Variants in UBE2N observed in about 807,000 individuals in gnomAD.
UBE2N encodes ubiquitin-conjugating enzyme E2 N.
For missense variants in UBE2N, 60 were observed against 192.1 expected (o/e 0.31, Z 4.07); for synonymous variants, 70 against 69.2 (o/e 1.01, Z -0.06).
At chr12:93,429,626 G>A (rs2121087870) in intron 1 of UBE2N, among the ~76,000 whole-genome samples, 1 of 151,654 alleles carries the variant, frequency 6.6e-6, no homozygotes, top group East Asian at 1.9e-4. Flanking sequence ...AGGTATTCCA[G>A]AAGGCACTGT....
At chr12:93,441,816 G>C (rs921539638) in intron 1 of UBE2N, 39 bp downstream of exon 1, 2 of 1,579,104 alleles carry the variant, frequency 1.3e-6, no homozygotes, top group African/African-American at 1.4e-5. Flanking sequence ...GAGCCGACGA[G>C]AGCAGAGCGA....
chr12:93,440,581 C>A lies in UBE2N; in HGVS notation c.30+1274G>T, dbSNP rs547832091. ...TCATCCTCGAAGCCTAACAGGTCTT[C>A]CACTTAGTATGCATCTCCCCACAGA... On this transcript the variant is annotated intron_variant, in intron 1 of 3. Coordinates refer to ENST00000318066, the MANE Select transcript of UBE2N (RefSeq NM_003348.4). Among the ~76,000 whole-genome samples, 6 of 152,298 alleles carry A rather than the reference C, an allele frequency of 3.9e-5. No homozygotes were observed. The South Asian group carries it at 1.2e-3, about 32-fold the overall frequency.
At chr12:93,413,943 C>T (rs934143873) in intron 1 of UBE2N, among the ~76,000 whole-genome samples, 1 of 146,352 alleles carries the variant, frequency 6.8e-6, no homozygotes, top group Non-Finnish European at 1.5e-5. Flanking sequence ...GGGTGGATCA[C>T]CTCAGGTCAG....
At chr12:93,423,496 C>T (rs1878481333) in intron 1 of UBE2N, among the ~76,000 whole-genome samples, 1 of 152,146 alleles carries the variant, frequency 6.6e-6, no homozygotes, top group Non-Finnish European at 1.5e-5. Context: ...AGAACTTCTA[C>T]TTAAAACCTT....
chr12:93,427,167 G>A (rs57609495), intron 1 of UBE2N, among the ~76,000 whole-genome samples: 12,463 of 151,972 alleles, frequency 0.082, 1,611 homozygotes, highest in African/African-American at 0.28. Flanking sequence ...GGATTGGCCC[G>A]CCTCAGCCTC....
chr12:93,416,930 A>G (rs1227955535), intron 1 of UBE2N, among the ~76,000 whole-genome samples: 1 of 152,202 alleles, frequency 6.6e-6, no homozygotes, highest in African/African-American at 2.4e-5. Flanking sequence ...GAAAAACAGA[A>G]TAACCCTTAA....
intron 1 of UBE2N, among the ~76,000 whole-genome samples, chr12:93,424,638 A>G (rs1490109958): frequency 5.3e-5 from 8 of 152,250 alleles, no homozygotes. Context: ...GCACAGCTTC[A>G]GGAGAGGACC....
At chr12:93,441,694 T>C (rs1261200664) in intron 1 of UBE2N, among the ~76,000 whole-genome samples, 161 bp downstream of exon 1, 2 of 150,936 alleles carry the variant, frequency 1.3e-5, no homozygotes, top group African/African-American at 2.5e-5. Context: ...CGCCCCCTCC[T>C]CAGCACCCGA....
intron 1 of UBE2N, among the ~76,000 whole-genome samples, chr12:93,422,895 GAGA>G (rs1878460854): frequency 6.6e-6 from 1 of 152,102 alleles, no homozygotes; most frequent in African/African-American, 2.4e-5. Flanking sequence ...TTGGAGCTGG[GAGA>G]TAAGAAAATT....
chr12:93,425,496 A>T (rs995726364), intron 1 of UBE2N, among the ~76,000 whole-genome samples: 1 of 152,160 alleles, frequency 6.6e-6, no homozygotes, highest in Non-Finnish European at 1.5e-5. Context: ...GTTCCTAGAG[A>T]TCAAGGCCTG....
chr12:93,437,919 T>A (rs1293916814), intron 1 of UBE2N, among the ~76,000 whole-genome samples: 1 of 152,138 alleles, frequency 6.6e-6, no homozygotes, highest in Non-Finnish European at 1.5e-5. Context: ...ATTTCCTAGT[T>A]AATAAAAAAA....
intron 1 of UBE2N, among the ~76,000 whole-genome samples, chr12:93,426,750 G>A (rs1399738176): frequency 1.3e-5 from 2 of 152,128 alleles, no homozygotes; most frequent in African/African-American, 4.8e-5. Context: ...CTACACTTTT[G>A]TGATTCTGGA....
intron 1 of UBE2N, among the ~76,000 whole-genome samples, chr12:93,414,374 C>G (rs865973003): frequency 1.4e-5 from 2 of 145,832 alleles, no homozygotes; most frequent in Non-Finnish European, 3.0e-5. Flanking sequence ...GCTTGAACCC[C>G]GGAGGTGGAG....
intron 1 of UBE2N, among the ~76,000 whole-genome samples, chr12:93,435,682 A>T (rs1878914550): frequency 6.6e-6 from 1 of 152,194 alleles, no homozygotes; most frequent in Admixed American, 6.5e-5. Flanking sequence ...AAAATACCTT[A>T]TGCACTAGAA....
rs752315682 is a variant in UBE2N, at chr12:93,405,906, TATC to T, written c.*4130_*4132del. On this transcript the variant is annotated 3_prime_UTR_variant, in exon 4 of 4. Coordinates refer to ENST00000318066, the MANE Select transcript of UBE2N (RefSeq NM_003348.4). ...TAAAGCAATAAATTAGGTACCCTATTATCATGGTATTTTCTTTTTTGGCCAGCT... is the reference window on the plus strand; with the variant it reads ...TAAAGCAATAAATTAGGTACCCTATTATGGTATTTTCTTTTTTGGCCAGCT... The T allele has an allele frequency of 4.6e-5, 7 of 152,256 alleles. No homozygotes were observed. The highest frequency in any genetic ancestry group is 2.0e-4 in the Admixed American group (3 of 15,286). 9.4% of individuals were successfully genotyped at this position (152,256 alleles called of 1,614,324 possible).
intron 1 of UBE2N, among the ~76,000 whole-genome samples, chr12:93,435,399 G>T (rs1724647180): frequency 1.3e-5 from 2 of 152,128 alleles, no homozygotes; most frequent in African/African-American, 4.8e-5. Context: ...CTTGAACCCA[G>T]GGGGCAGAGG....
chr12:93,426,256 G>C (rs1204362732), intron 1 of UBE2N, among the ~76,000 whole-genome samples: 1 of 151,932 alleles, frequency 6.6e-6, no homozygotes, highest in Non-Finnish European at 1.5e-5. Context: ...AATAATACTG[G>C]GTCAAATTCA....
intron 2 of UBE2N, 77 bp downstream of exon 2, chr12:93,410,976 A>G (rs1351318057): frequency 3.7e-6 from 6 of 1,613,718 alleles, no homozygotes; most frequent in Non-Finnish European, 4.2e-6. Context: ...TATAATGTTT[A>G]CATTCTAAAC....
rs537696368 is a variant in UBE2N, at chr12:93,418,589, A to G, written c.31-7290T>C. Among the ~76,000 whole-genome samples the G allele has an allele frequency of 4.1e-4, 61 of 148,004 alleles. 1 individual carries two copies. The highest frequency in any genetic ancestry group is 2.9e-3 in the Admixed American group (44 of 15,104). ...AAGTTTTGCTCAAGCTCCCCATTAC[A>G]CTACTTCCTTACAAATCATAAGGCC... On this transcript the variant is annotated intron_variant, in intron 1 of 3. Coordinates refer to ENST00000318066, the MANE Select transcript of UBE2N (RefSeq NM_003348.4).
Sources: allele counts gnomAD v4.1 joint callset (sites outside exome capture counted in the v4.1 genomes callset), GRCh38; gene constraint gnomAD v4.1.1; transcripts MANE v1.5; gene names NCBI Gene and HGNC (gene_info 2026-07-23, HGNC 2026-07-21).